Variants in CLDN10 observed in about 807,000 individuals in gnomAD.
The protein encoded by CLDN10 is claudin-10.
A neutral mutation model predicts 22.9 loss-of-function variants in CLDN10; 15 were observed. That is an observed-to-expected ratio of 0.65 (90% confidence interval 0.44 to 1.01). The LOEUF (loss-of-function observed/expected upper bound fraction) is 1.01, where lower values mean the gene tolerates loss of function less well. Among genes scored for constraint, CLDN10 ranks in the 50% least tolerant of loss-of-function variants. The pLI, the probability that CLDN10 is intolerant of heterozygous loss-of-function variation, is 0.00. For missense variants in CLDN10, 247 were observed against 287.8 expected (o/e 0.86, Z 1.03); for synonymous variants, 114 against 111.4 (o/e 1.02, Z -0.15).
chr13:95,461,963 G>A (rs1269010523), intron 1 of CLDN10, among the ~76,000 whole-genome samples: 1 of 152,140 alleles, frequency 6.6e-6, no homozygotes, highest in African/African-American at 2.4e-5. Flanking sequence ...CAAGCACAAT[G>A]GTGCCATCTG....
chr13:95,520,628 C>G (rs1377043822), intron 1 of CLDN10, among the ~76,000 whole-genome samples: 7 of 152,208 alleles, frequency 4.6e-5, no homozygotes, highest in African/African-American at 1.2e-4. Context: ...CCGCCTCAGC[C>G]TCCTAAAGTG....
chr13:95,525,101 GC>G (rs773113795), intron 1 of CLDN10, among the ~76,000 whole-genome samples: 18 of 151,880 alleles, frequency 1.2e-4, no homozygotes, highest in Non-Finnish European at 2.5e-4. Context: ...TCAGGTGATT[GC>G]CCGCCTCGGC....
At chr13:95,521,542 A>C (rs1248839052) in intron 1 of CLDN10, among the ~76,000 whole-genome samples, 1 of 152,158 alleles carries the variant, frequency 6.6e-6, no homozygotes, top group East Asian at 1.9e-4. Flanking sequence ...CAGCCTGATA[A>C]TTATGTTATC....
intron 1 of CLDN10, among the ~76,000 whole-genome samples, chr13:95,532,782 C>T (rs560740593): frequency 1.2e-4 from 13 of 106,528 alleles, no homozygotes; most frequent in Non-Finnish European, 2.3e-4. Context: ...GATACTGGAA[C>T]TCAATTCAGC....
chr13:95,544,127 T>C (rs117538106), intron 1 of CLDN10, among the ~76,000 whole-genome samples: 1,988 of 152,282 alleles, frequency 0.013, 27 homozygotes, highest in Middle Eastern at 0.038. Context: ...ATATCTATTA[T>C]TTAATTTGTT....
intron 1 of CLDN10, among the ~76,000 whole-genome samples, chr13:95,504,795 C>T (rs2043021744): frequency 6.6e-6 from 1 of 152,204 alleles, no homozygotes; most frequent in African/African-American, 2.4e-5. Flanking sequence ...ACCTCAGCCT[C>T]CCAAAGTGCT....
At chr13:95,445,896 ATTGCATAGTTCTAGTC>A (rs2042373427) in intron 1 of CLDN10, among the ~76,000 whole-genome samples, 1 of 152,240 alleles carries the variant, frequency 6.6e-6, no homozygotes, top group Non-Finnish European at 1.5e-5. Flanking sequence ...TTGTAGTCAA[ATTGCATAGTTCTAGTC>A]TTGCACACCG....
chr13:95,527,522 G>T (rs1358297945), intron 1 of CLDN10, among the ~76,000 whole-genome samples: 1 of 151,892 alleles, frequency 6.6e-6, no homozygotes, highest in Non-Finnish European at 1.5e-5. Flanking sequence ...CTGAGGTCAG[G>T]AGTTCAAGAC....
At chr13:95,490,524 C>T (rs1275264233) in intron 1 of CLDN10, among the ~76,000 whole-genome samples, 2 of 151,976 alleles carry the variant, frequency 1.3e-5, no homozygotes, top group Non-Finnish European at 2.9e-5. Flanking sequence ...TGTTTTTGAC[C>T]CAGTGCTCAT....
At chr13:95,567,588 C>G (rs570678784) in intron 3 of CLDN10, among the ~76,000 whole-genome samples, 2 of 152,330 alleles carry the variant, frequency 1.3e-5, no homozygotes, top group African/African-American at 2.4e-5. Flanking sequence ...TTGACTTCCT[C>G]TTTTCCTAAT....
At chr13:95,568,414 C>G (rs1481329318) in intron 3 of CLDN10, among the ~76,000 whole-genome samples, 6 of 152,138 alleles carry the variant, frequency 3.9e-5, no homozygotes, top group Non-Finnish European at 8.8e-5. Context: ...ATTTGGCGCT[C>G]TCTTTTGTTT....
intron 1 of CLDN10, among the ~76,000 whole-genome samples, chr13:95,437,615 C>A (rs983324212): frequency 6.6e-6 from 1 of 152,076 alleles, no homozygotes; most frequent in East Asian, 1.9e-4. Context: ...ATGCTGGGTT[C>A]CGGATATATA....
intron 1 of CLDN10, among the ~76,000 whole-genome samples, chr13:95,543,368 CT>C (rs2043478677): frequency 6.6e-6 from 1 of 152,098 alleles, no homozygotes; most frequent in African/African-American, 2.4e-5. Context: ...GTACATACCA[CT>C]TAGGGCTTAG....
chr13:95,489,481 T>A (rs894240158), intron 1 of CLDN10, among the ~76,000 whole-genome samples: 3 of 152,180 alleles, frequency 2.0e-5, no homozygotes, highest in Non-Finnish European at 2.9e-5. Context: ...TCATTGGTGA[T>A]GTTGAGCATT....
At chr13:95,503,812 T>G (rs146040555) in intron 1 of CLDN10, among the ~76,000 whole-genome samples, 114 of 152,286 alleles carry the variant, frequency 7.5e-4, no homozygotes, top group African/African-American at 2.6e-3. Flanking sequence ...CAAAGTAGAA[T>G]GGTGGCTGCT....
rs916094540 is a variant in CLDN10 at position 95,553,111 on chromosome 13, G to A, written c.220+138G>A. 4 of 1,200,508 alleles carry A rather than the reference G, an allele frequency of 3.3e-6. No homozygotes were observed. In the Admixed American group the frequency reaches 7.6e-5, roughly 23 times the overall value. 74.4% of individuals were successfully genotyped at this position (1,200,508 alleles called of 1,614,324 possible). On this transcript the variant is annotated intron_variant, in intron 1 of 4. Coordinates refer to ENST00000299339, the MANE Select transcript of CLDN10 (RefSeq NM_006984.5). ...GGCCCGACCCGTCTCTCCCAACAGGGCCTTAGGGAGCCAGGGACGCTCCTG... is the reference window on the plus strand; with the variant it reads ...GGCCCGACCCGTCTCTCCCAACAGGACCTTAGGGAGCCAGGGACGCTCCTG...
rs112691307 is a variant in CLDN10 at position 95,516,894 on chromosome 13, G to T, written c.215-43238G>T. On this transcript the variant is annotated intron_variant, in intron 1 of 4. Transcript: ENST00000376873. ...TCTCCTACATCCAGGCGTATGAGAT[G>T]ATCTGAAAACCATGGGCAATATTTA... Among the ~76,000 whole-genome samples the T allele has an allele frequency of 9.2e-3, 1,402 of 152,110 alleles. 30 individuals carry two copies. The highest frequency in any genetic ancestry group is 0.032 in the African/African-American group (1,333 of 41,468).
At chr13:95,443,490 G>A (rs998253566) in intron 1 of CLDN10, among the ~76,000 whole-genome samples, 1 of 152,202 alleles carries the variant, frequency 6.6e-6, no homozygotes, top group Non-Finnish European at 1.5e-5. Context: ...CGAGAAGCGG[G>A]AGACATGGCA....
At chr13:95,566,305 A>G (rs1314664769) in intron 3 of CLDN10, among the ~76,000 whole-genome samples, 1 of 152,176 alleles carries the variant, frequency 6.6e-6, no homozygotes. Context: ...CTGTCTTTTT[A>G]ATGATCGCCA....
Sources: allele counts gnomAD v4.1 joint callset (sites outside exome capture counted in the v4.1 genomes callset), GRCh38; gene constraint gnomAD v4.1.1; transcripts MANE v1.5; gene names NCBI Gene and HGNC (gene_info 2026-07-23, HGNC 2026-07-21).